Variants in SPATA16 observed in about 807,000 individuals in gnomAD.
The protein encoded by SPATA16 is spermatogenesis associated 16.
A neutral mutation model predicts 63.3 loss-of-function variants in SPATA16; 36 were observed. The observed-to-expected ratio is 0.57, with a 90% CI of 0.44 to 0.75. The LOEUF is 0.75. SPATA16 is among the 30% of genes least tolerant of loss of function. SPATA16 has a pLI of 0.00. For missense variants in SPATA16, 646 were observed against 679.3 expected, an observed-to-expected ratio of 0.95 and a Z score of 0.54; for synonymous variants, 203 against 216.7, an observed-to-expected ratio of 0.94 and a Z score of 0.56.
chr3:172,917,446 CAGAAG>C (rs1732518594), intron 8 of SPATA16, among the ~76,000 whole-genome samples: 2 of 152,154 alleles, frequency 1.3e-5, no homozygotes. Context: ...TCCTGGTGCT[CAGAAG>C]AGAAGTGACC....
At chr3:172,940,039 C>T (rs985925444) in intron 6 of SPATA16, among the ~76,000 whole-genome samples, 6 of 152,136 alleles carry the variant, frequency 3.9e-5, no homozygotes, top group African/African-American at 1.4e-4. Flanking sequence ...GGTTGGTGAA[C>T]ACATCATGGT....
chr3:172,892,021 C>T (rs569714700), intron 10 of SPATA16, among the ~76,000 whole-genome samples: 16 of 152,122 alleles, frequency 1.1e-4, no homozygotes, highest in Non-Finnish European at 1.6e-4. Context: ...TATTGTAGAA[C>T]CTCAGTAATC....
At chr3:173,037,690 A>G (rs1735747456) in intron 3 of SPATA16, among the ~76,000 whole-genome samples, 1 of 152,120 alleles carries the variant, frequency 6.6e-6, no homozygotes, top group Non-Finnish European at 1.5e-5. Context: ...AGTTATAGAC[A>G]GTGCCACCAA....
chr3:172,934,072 G>A (rs1193446484), intron 6 of SPATA16, among the ~76,000 whole-genome samples: 3 of 151,954 alleles, frequency 2.0e-5, no homozygotes, highest in South Asian at 2.1e-4. Context: ...ACATTTATAA[G>A]TATAATAAAA....
chr3:173,135,705 T>C (rs1738528258), intron 1 of SPATA16, among the ~76,000 whole-genome samples: 1 of 152,202 alleles, frequency 6.6e-6, no homozygotes, highest in South Asian at 2.1e-4. Context: ...TATTATATGA[T>C]TCATTTAAAT....
chr3:172,975,372 A>G lies in SPATA16; in HGVS notation c.933+1596T>C, dbSNP rs200801497. On this transcript the variant is annotated intron_variant, in intron 5 of 10. Coordinates refer to ENST00000351008, the MANE Select transcript of SPATA16 (RefSeq NM_031955.6). ...GTACTCATATACATTTGTTTAATGAATAATTAAATTAAGTCAAGCATTCGC... is the reference window on the plus strand; with the variant it reads ...GTACTCATATACATTTGTTTAATGAGTAATTAAATTAAGTCAAGCATTCGC... Among the ~76,000 whole-genome samples, 10 of 152,278 alleles carry G rather than the reference A, an allele frequency of 6.6e-5. No homozygotes were observed. In the East Asian group the frequency reaches 1.7e-3, roughly 26 times the overall value.
At chr3:172,973,733 T>C (rs957400626) in intron 5 of SPATA16, among the ~76,000 whole-genome samples, 1 of 152,162 alleles carries the variant, frequency 6.6e-6, no homozygotes, top group African/African-American at 2.4e-5. Context: ...AAAATTAGTG[T>C]AGGACCAATA....
chr3:173,112,925 G>A (rs1737785959), intron 2 of SPATA16, among the ~76,000 whole-genome samples: 1 of 151,786 alleles, frequency 6.6e-6, no homozygotes, highest in Non-Finnish European at 1.5e-5. Flanking sequence ...AGGATCCTAT[G>A]ATTAAGATTG....
chr3:173,083,219 A>G (rs777786522), intron 2 of SPATA16, among the ~76,000 whole-genome samples: 1 of 152,100 alleles, frequency 6.6e-6, no homozygotes, highest in Non-Finnish European at 1.5e-5. Context: ...TTAAATGATA[A>G]TAGAAAGAAG....
chr3:173,004,064 C>A (rs1734886618), intron 4 of SPATA16, among the ~76,000 whole-genome samples: 1 of 152,176 alleles, frequency 6.6e-6, no homozygotes, highest in African/African-American at 2.4e-5. Flanking sequence ...TACTCTTTAG[C>A]AGACCGATCC....
chr3:173,028,537 A>G (rs999259004), intron 3 of SPATA16, among the ~76,000 whole-genome samples: 2 of 151,960 alleles, frequency 1.3e-5, no homozygotes, highest in African/African-American at 2.4e-5. Context: ...TGCAACAGGA[A>G]CTTATATCAC....
chr3:173,005,178 A>G (rs552525586), intron 4 of SPATA16, among the ~76,000 whole-genome samples: 64 of 152,088 alleles, frequency 4.2e-4, no homozygotes, highest in Admixed American at 1.2e-3. Flanking sequence ...AAAAACGTCA[A>G]CCAGGCATGG....
chr3:172,915,382 T>C (rs1194405292), intron 9 of SPATA16, among the ~76,000 whole-genome samples: 2 of 152,124 alleles, frequency 1.3e-5, no homozygotes, highest in Non-Finnish European at 2.9e-5. Flanking sequence ...CTTGAGTAAA[T>C]CTTAAAAAGC....
intron 2 of SPATA16, among the ~76,000 whole-genome samples, chr3:173,084,836 G>A (rs1440276840): frequency 1.3e-5 from 2 of 152,100 alleles, no homozygotes; most frequent in African/African-American, 4.8e-5. Flanking sequence ...GTACATATGT[G>A]ATCTTATTTC....
chr3:173,068,387 G>A (rs1736574916), intron 2 of SPATA16, among the ~76,000 whole-genome samples: 1 of 152,120 alleles, frequency 6.6e-6, no homozygotes, highest in Non-Finnish European at 1.5e-5. Context: ...TTTTCTATTT[G>A]CTTCTTTGTT....
chr3:172,913,510 T>C, intron 10 of SPATA16, 151 bp downstream of exon 10: 1 of 705,380 alleles, frequency 1.4e-6, no homozygotes, highest in Non-Finnish European at 2.4e-6. Context: ...TGGTCACACT[T>C]CCAGGGAGAG....
chr3:172,990,528 T>G (rs73880404), intron 4 of SPATA16, among the ~76,000 whole-genome samples: 9,630 of 152,202 alleles, frequency 0.063, 996 homozygotes, highest in African/African-American at 0.22. Context: ...TAGGGGAGGA[T>G]AGCAATGGTC....
chr3:173,136,057 T>C (rs895805690), intron 1 of SPATA16, among the ~76,000 whole-genome samples: 1 of 152,178 alleles, frequency 6.6e-6, no homozygotes, highest in African/African-American at 2.4e-5. Context: ...ACCTTTGCAT[T>C]GTCTAAGAAT....
At chr3:172,998,370 T>C (rs922046616) in intron 4 of SPATA16, among the ~76,000 whole-genome samples, 2 of 152,148 alleles carry the variant, frequency 1.3e-5, no homozygotes, top group Admixed American at 1.3e-4. Flanking sequence ...GGAAAGTGAT[T>C]GATTTTCTGT....
Sources: allele counts gnomAD v4.1 joint callset (sites outside exome capture counted in the v4.1 genomes callset), GRCh38; gene constraint gnomAD v4.1.1; transcripts MANE v1.5; gene names NCBI Gene and HGNC (gene_info 2026-07-23, HGNC 2026-07-21).